PLEKHA5: variants seen among roughly 807,000 people sequenced by gnomAD.
The protein encoded by PLEKHA5 is pleckstrin homology domain-containing family A member 5.
PLEKHA5 carries 55 observed loss-of-function variants against 181.9 expected under a neutral mutation model. That is an observed-to-expected ratio of 0.30 (90% CI 0.24 to 0.38). The LOEUF is 0.38. Among genes scored for constraint, PLEKHA5 ranks in the 10% least tolerant of loss-of-function variants. The pLI is 1.00. For synonymous variants in PLEKHA5, 535 were observed against 529.4 expected (o/e 1.01, Z -0.15); for missense variants, 1,432 against 1,549.5 (o/e 0.92, Z 1.27).
intron 15 of PLEKHA5, among the ~76,000 whole-genome samples, chr12:19,311,262 CAA>C (rs112913366): frequency 2.9e-4 from 29 of 98,844 alleles, no homozygotes; most frequent in Admixed American, 3.3e-4. Context: ...CCTGTCTCTG[CAA>C]AAAAAAAAAA....
chr12:19,374,300 G>C (rs1240673268), intron 31 of PLEKHA5, among the ~76,000 whole-genome samples: 1 of 151,950 alleles, frequency 6.6e-6, no homozygotes, highest in African/African-American at 2.4e-5. Context: ...CCCTAAAATG[G>C]GAGGGGACCC....
chr12:19,333,126 A>C (rs560969695), intron 20 of PLEKHA5, among the ~76,000 whole-genome samples: 2 of 152,264 alleles, frequency 1.3e-5, no homozygotes, highest in South Asian at 4.1e-4. Flanking sequence ...CTCTACTAAA[A>C]ATACAAAAAT....
At chr12:19,249,492 G>A (rs1565517436) in intron 3 of PLEKHA5, among the ~76,000 whole-genome samples, 1 of 152,162 alleles carries the variant, frequency 6.6e-6, no homozygotes, top group Non-Finnish European at 1.5e-5. Flanking sequence ...TAAAACTTAA[G>A]AATTGTTTAT....
chr12:19,231,172 G>A (rs1284563910), intron 3 of PLEKHA5, among the ~76,000 whole-genome samples: 1 of 151,876 alleles, frequency 6.6e-6, no homozygotes, highest in Non-Finnish European at 1.5e-5. Context: ...GTTTCTTTGA[G>A]GCCTGTTTTT....
At chr12:19,255,351 A>G (rs762124430) in intron 5 of PLEKHA5, among the ~76,000 whole-genome samples, 186 bp downstream of exon 5, 1 of 152,156 alleles carries the variant, frequency 6.6e-6, no homozygotes, top group Non-Finnish European at 1.5e-5. Context: ...AGTGACTTAA[A>G]TTTTTAAATT....
At chr12:19,136,004 C>G (rs572145224) in intron 3 of PLEKHA5, among the ~76,000 whole-genome samples, 2 of 151,258 alleles carry the variant, frequency 1.3e-5, no homozygotes, top group Non-Finnish European at 2.9e-5. Context: ...CTCAGCCTTA[C>G]GAGTAGCTGG....
At chr12:19,184,271 T>G (rs1316756023) in intron 3 of PLEKHA5, among the ~76,000 whole-genome samples, 1 of 152,218 alleles carries the variant, frequency 6.6e-6, no homozygotes, top group African/African-American at 2.4e-5. Flanking sequence ...GCCTAGACCT[T>G]ATTTATCAAG....
intron 3 of PLEKHA5, among the ~76,000 whole-genome samples, chr12:19,164,596 C>G (rs2043836247): frequency 6.6e-6 from 1 of 152,094 alleles, no homozygotes; most frequent in Non-Finnish European, 1.5e-5. Flanking sequence ...CCCTTAAAAT[C>G]CCCTTCTTTA....
At position 19,336,627 on chromosome 12, in the gene PLEKHA5, AT is replaced by A; in HGVS notation, c.2550+12del. On this transcript the variant is annotated intron_variant, in intron 21 of 31. Transcript: ENST00000429027. ...CTTGGTGAAGTTCAGGTACAAAAGT[AT>A]AATATTCTTTATATTGTTTTAACTG... The A allele has an allele frequency of 6.9e-7, 1 of 1,442,084 alleles. No homozygotes were observed. Among genetic ancestry groups the A allele is most frequent in the Non-Finnish European group, 9.7e-7 (1 of 1,026,700 alleles). 89.3% of individuals were successfully genotyped at this position (1,442,084 alleles called of 1,614,324 possible).
At chr12:19,179,585 G>A (rs566054158) in intron 3 of PLEKHA5, among the ~76,000 whole-genome samples, 3 of 152,282 alleles carry the variant, frequency 2.0e-5, no homozygotes, top group South Asian at 2.1e-4. Flanking sequence ...GCTTGAACCC[G>A]GGAGGCAGAG....
chr12:19,328,752 T>C (rs1318440221), intron 20 of PLEKHA5, among the ~76,000 whole-genome samples: 1 of 152,112 alleles, frequency 6.6e-6, no homozygotes, highest in Non-Finnish European at 1.5e-5. Flanking sequence ...GTCTTTAGGG[T>C]TTTCTAGGTA....
intron 3 of PLEKHA5, among the ~76,000 whole-genome samples, chr12:19,155,093 C>A (rs2041362056): frequency 6.6e-6 from 1 of 152,124 alleles, no homozygotes; most frequent in Non-Finnish European, 1.5e-5. Flanking sequence ...AGTAGAGTGC[C>A]ACTCACAAGT....
Position 19,326,774 on chromosome 12 carries a change from G to C in PLEKHA5, c.2448+4107G>C, listed in dbSNP as rs562431720. ...TCACTGTTACCATCTTTATGTCCAC[G>C]AGTACCAGTGTTTAGCTTCCACCTG... On this transcript the variant is annotated intron_variant, in intron 20 of 31. Coordinates refer to ENST00000429027, the MANE Select transcript of PLEKHA5 (RefSeq NM_001256470.2). 2.0e-5 allele frequency among the ~76,000 whole-genome samples: 3 copies of C among 152,180 alleles called. No individual in the cohort carries two copies. The East Asian group carries it at 5.8e-4, about 29-fold the overall frequency.
intron 3 of PLEKHA5, among the ~76,000 whole-genome samples, chr12:19,232,861 A>G (rs1474476089): frequency 6.6e-6 from 1 of 152,116 alleles, no homozygotes; most frequent in Admixed American, 6.5e-5. Context: ...CTAGACTGAC[A>G]TTGTGTTTAG....
At chr12:19,307,166 C>T (rs1318881361) in intron 15 of PLEKHA5, 7 of 741,228 alleles carry the variant, frequency 9.4e-6, no homozygotes, top group African/African-American at 7.1e-5. Context: ...AAATCGGATA[C>T]CTCTAGTAAA....
Position 19,274,927 on chromosome 12 carries a change from G to A in PLEKHA5, c.1257G>A (p.Gln419=), listed in dbSNP as rs752640883. 1.9e-6 allele frequency: 3 copies of A among 1,613,362 alleles called. No homozygotes were observed. Among genetic ancestry groups the A allele is most frequent in the Non-Finnish European group, 2.5e-6 (3 of 1,180,016 alleles). ...TACAGAGAACAAATTCAATGCAGCA[G>A]TTGGAACAGTGGATTAAAATCCAGA... ...RVIQRTNSMQ[Q]LEQWIKIQKG... The change falls in exon 11 of 32, where the codon CAG becomes CAA. Residue 419 remains glutamine (Q), a synonymous_variant. Transcript: ENST00000429027.
At chr12:19,259,394 ATG>A (rs1480662017) in intron 6 of PLEKHA5, among the ~76,000 whole-genome samples, 1 of 151,890 alleles carries the variant, frequency 6.6e-6, no homozygotes, top group Non-Finnish European at 1.5e-5. Context: ...ATTTTGTAAT[ATG>A]TGTGTGACAC....
intron 3 of PLEKHA5, among the ~76,000 whole-genome samples, chr12:19,139,724 G>T (rs1011200828): frequency 6.6e-6 from 1 of 152,188 alleles, no homozygotes; most frequent in Admixed American, 6.5e-5. Flanking sequence ...GCCTTAGCCC[G>T]TTGTGGGGGT....
intron 15 of PLEKHA5, among the ~76,000 whole-genome samples, chr12:19,304,789 T>C (rs1225447685): frequency 1.3e-5 from 2 of 150,488 alleles, no homozygotes; most frequent in Non-Finnish European, 3.0e-5. Flanking sequence ...ATATGAGAAC[T>C]ACACCAAAGA....
Sources: gnomAD v4.1 joint callset for allele counts (sites outside exome capture counted in the v4.1 genomes callset) on GRCh38, gnomAD v4.1.1 for gene constraint, MANE v1.5 for transcripts, NCBI Gene and HGNC (gene_info 2026-07-23, HGNC 2026-07-21) for gene names.